Variants in PTBP3 observed in about 807,000 individuals in gnomAD.
The protein encoded by PTBP3 is polypyrimidine tract binding protein 3.
Under a neutral mutation model 58.7 loss-of-function variants are expected in PTBP3, and 20 were observed. The ratio of observed to expected loss-of-function variants is 0.34; its 90% CI spans 0.24 to 0.50. The LOEUF (loss-of-function observed/expected upper bound fraction) is 0.50. Among genes scored for constraint, PTBP3 ranks in the 20% least tolerant of loss-of-function variants. The pLI is 0.98. For missense variants in PTBP3, 509 were observed against 637.2 expected, an observed-to-expected ratio of 0.80 and a Z score of 2.17; for synonymous variants, 185 against 219.8, an observed-to-expected ratio of 0.84 and a Z score of 1.40.
In PTBP3 at chr9:112,244,289, CA is replaced by C. The variant is rs56052359; in HGVS notation, c.802+6639del. On this transcript the variant is annotated intron_variant, in intron 7 of 13. Coordinates refer to ENST00000374257, the MANE Select transcript of PTBP3 (RefSeq NM_001163788.4). ...TGGGCAACAGAGTGAGACTCTGTCT[CA>C]AAAAAAAAAAAAAAAAAGTTCTCAG... 6.5e-3 allele frequency among the ~76,000 whole-genome samples: 235 copies of C among 36,298 alleles called. 15 individuals carry two copies. The highest frequency in any genetic ancestry group is 0.02 in the African/African-American group (185 of 9,478). The allele number at this position is 36,298 out of a possible 152,430, so 23.8% of individuals were successfully genotyped here.
In PTBP3 at chr9:112,277,946, T is replaced by TAAC. The variant is rs1564427648; in HGVS notation, c.35-1934_35-1933insGTT. The stretch of plus-strand genomic sequence containing the variant: ...CATAACATAACATAACATAACATAA[T>TAAC]ATAACATAACATAACATAACATAAC... On this transcript the variant is annotated intron_variant, in intron 2 of 13. Transcript: ENST00000374257. Among the ~76,000 whole-genome samples, 51 of 58,206 alleles carry TAAC rather than the reference T, an allele frequency of 8.8e-4. 1 individual carries two copies. Among genetic ancestry groups the TAAC allele is most frequent in the East Asian group, 2.6e-3 (6 of 2,298 alleles). The allele number at this position is 58,206 out of a possible 152,430, so 38.2% of individuals were successfully genotyped here.
In PTBP3 at chr9:112,223,196, A is replaced by C; in HGVS notation, c.*655T>G. 2 of 928,602 alleles carry C rather than the reference A, an allele frequency of 2.2e-6. No homozygotes were observed. Among genetic ancestry groups the C allele is most frequent in the Non-Finnish European group, 2.6e-6 (2 of 777,922 alleles). 57.5% of individuals were successfully genotyped at this position (928,602 alleles called of 1,614,324 possible). ...CAGCTGAGACACTGCATTTTTCCAA[A>C]TAGTCTTAAAAAGTTAAAGATAGGC... is the stretch of plus-strand genomic sequence containing the variant. On this transcript the variant is annotated 3_prime_UTR_variant, in exon 14 of 14. Transcript: ENST00000374257.
At chr9:112,224,828 T>TG (rs1163713664) in intron 12 of PTBP3, among the ~76,000 whole-genome samples, 41 of 152,354 alleles carry the variant, frequency 2.7e-4, no homozygotes, top group African/African-American at 9.1e-4. Flanking sequence ...TCATTAGCTT[T>TG]GGAAGGACAC....
chr9:112,235,538 CG>C (rs1564394857), intron 7 of PTBP3, among the ~76,000 whole-genome samples: 1 of 152,076 alleles, frequency 6.6e-6, no homozygotes, highest in Non-Finnish European at 1.5e-5. Context: ...TCAACAAAAA[CG>C]GGAGTTCCAA....
At chr9:112,243,774 C>T (rs1001516111) in intron 7 of PTBP3, among the ~76,000 whole-genome samples, 1 of 152,098 alleles carries the variant, frequency 6.6e-6, no homozygotes, top group African/African-American at 2.4e-5. Flanking sequence ...TTACATTGGG[C>T]TTATGTTAGG....
intron 1 of PTBP3, among the ~76,000 whole-genome samples, chr9:112,329,275 T>C (rs1830272920): frequency 1.3e-5 from 2 of 151,992 alleles, no homozygotes; most frequent in Non-Finnish European, 2.9e-5. Context: ...TAGCCAGGCA[T>C]GGTGGCATGT....
chr9:112,327,738 G>T (rs1830215779), intron 1 of PTBP3, among the ~76,000 whole-genome samples: 2 of 147,158 alleles, frequency 1.4e-5, no homozygotes, highest in African/African-American at 5.1e-5. Flanking sequence ...CTGTCTTCAA[G>T]AAAATTCCAA....
chr9:112,239,820 AGGAAGGG>A (rs1564397582), intron 7 of PTBP3, among the ~76,000 whole-genome samples: 11 of 98,864 alleles, frequency 1.1e-4, no homozygotes, highest in Non-Finnish European at 1.5e-4. Context: ...GAAGGAAGGG[AGGAAGGG>A]AGGAAGGGAG....
chr9:112,241,567 T>C lies in PTBP3; in HGVS notation c.803-6670A>G, dbSNP rs115577817. ...ATACACAAATACTTACCATATGTTATAGCTGCCTATAGTATACATTATGGT... is the reference window on the plus strand; with the variant it reads ...ATACACAAATACTTACCATATGTTACAGCTGCCTATAGTATACATTATGGT... On this transcript the variant is annotated intron_variant, in intron 7 of 13. Transcript: ENST00000374257. Among the ~76,000 whole-genome samples, 1,159 of 152,354 alleles carry C rather than the reference T, an allele frequency of 7.6e-3. 20 individuals are homozygous for C. Among genetic ancestry groups the C allele is most frequent in the African/African-American group, 0.027 (1,102 of 41,584 alleles).
the PTBP3 span, among the ~76,000 whole-genome samples, chr9:112,379,391 G>A: frequency 4.6e-5 from 7 of 152,342 alleles, no homozygotes; most frequent in African/African-American, 1.7e-4. Flanking sequence ...TCCCAAAAGC[G>A]AAACTGAATG....
chr9:112,329,518 G>T (rs1437016871), intron 1 of PTBP3, among the ~76,000 whole-genome samples: 1 of 152,180 alleles, frequency 6.6e-6, no homozygotes, highest in African/African-American at 2.4e-5. Context: ...CTCTCTGGAT[G>T]TTTGCCTTTT....
chr9:112,276,144 G>C lies in PTBP3; in HGVS notation c.35-131C>G, dbSNP rs1211753681. ...ACTTCAGGGAAACGTGGGGCTGATG[G>C]GGGTAGGTGGAAAAGGAGAGTAGAA... On this transcript the variant is annotated intron_variant, in intron 2 of 13. Transcript: ENST00000374257. 5.4e-6 allele frequency: 4 copies of C among 739,516 alleles called. No homozygotes were observed. In the South Asian group the frequency reaches 7.4e-5, roughly 14 times the overall value. 45.8% of individuals were successfully genotyped at this position (739,516 alleles called of 1,614,324 possible). A position where few individuals can be genotyped will look rare whatever the true frequency, so the allele number is the denominator to read the frequency against.
intron 1 of PTBP3, chr9:112,330,519 G>A: frequency 7.4e-7 from 1 of 1,358,776 alleles, no homozygotes; most frequent in Non-Finnish European, 1.0e-6. Flanking sequence ...CAAAGTTAGA[G>A]AACAAGTTTT....
At chr9:112,330,377 G>T in intron 1 of PTBP3, 3 of 1,217,130 alleles carry the variant, frequency 2.5e-6, no homozygotes, top group Non-Finnish European at 2.4e-6. Flanking sequence ...TTATGAACAG[G>T]TGAGACTGAA....
chr9:112,264,322 A>G (rs999183302), intron 4 of PTBP3, among the ~76,000 whole-genome samples: 1 of 152,170 alleles, frequency 6.6e-6, no homozygotes, highest in African/African-American at 2.4e-5. Flanking sequence ...AGATTTATAA[A>G]CTTTCATCCA....
intron 5 of PTBP3, among the ~76,000 whole-genome samples, chr9:112,254,604 T>C (rs1260474028): frequency 1.3e-5 from 2 of 152,106 alleles, no homozygotes; most frequent in East Asian, 1.9e-4. Context: ...GCTAATCAAA[T>C]AGCCAATAAG....
chr9:112,272,510 A>G (rs1021892229), intron 3 of PTBP3: 1 of 152,192 alleles, frequency 6.6e-6, no homozygotes, highest in African/African-American at 2.4e-5. Flanking sequence ...AGACAATTCA[A>G]TTCTTTTTTT....
intron 5 of PTBP3, among the ~76,000 whole-genome samples, chr9:112,254,346 G>A (rs751103746): frequency 1.1e-4 from 16 of 151,600 alleles, no homozygotes; most frequent in Non-Finnish European, 1.6e-4. Context: ...GTAGTCTAGT[G>A]GTTAAAAAAA....
the PTBP3 span, among the ~76,000 whole-genome samples, chr9:112,370,051 C>T: frequency 2.0e-5 from 3 of 152,182 alleles, no homozygotes; most frequent in African/African-American, 7.2e-5. Flanking sequence ...CCTCCCTAGC[C>T]ATGTGGAACT....
Sources: gnomAD v4.1 joint callset for allele counts (sites outside exome capture counted in the v4.1 genomes callset) on GRCh38, gnomAD v4.1.1 for gene constraint, MANE v1.5 for transcripts, NCBI Gene and HGNC (gene_info 2026-07-23, HGNC 2026-07-21) for gene names.